The following DCC variants were observed in gnomAD, a reference collection of about 807,000 sequenced individuals.
DCC encodes the protein netrin receptor DCC.
Under a neutral mutation model 172.5 loss-of-function variants are expected in DCC, and 58 were observed. That is an observed-to-expected ratio of 0.34 (90% confidence interval 0.27 to 0.42). DCC has a LOEUF of 0.42. Ranked by LOEUF, DCC falls within the 10% of genes least tolerant of loss-of-function variation. The pLI is 1.00. For synonymous variants in DCC, 709 were observed against 644.5 expected (o/e 1.10, Z -1.52); for missense variants, 1,740 against 1,791.0 (o/e 0.97, Z 0.51).
chr18:52,967,330 G>T (rs1273063398), intron 5 of DCC, among the ~76,000 whole-genome samples: 1 of 152,118 alleles, frequency 6.6e-6, no homozygotes, highest in Non-Finnish European at 1.5e-5. Context: ...AACTGAGTAT[G>T]GTTGGCCTGC....
intron 27 of DCC, 49 bp downstream of exon 27, chr18:53,499,559 C>G: frequency 6.7e-7 from 1 of 1,483,882 alleles, no homozygotes; most frequent in South Asian, 1.1e-5. Context: ...TTATTGGTGC[C>G]TCTATTTAAG....
At chr18:53,102,262 C>G (rs1448007216) in intron 7 of DCC, among the ~76,000 whole-genome samples, 1 of 152,116 alleles carries the variant, frequency 6.6e-6, no homozygotes. Context: ...GACTACTTGC[C>G]TACTTCATTT....
At chr18:53,325,196 C>CAAAAAAA (rs750007696) in intron 14 of DCC, among the ~76,000 whole-genome samples, 4 of 65,094 alleles carry the variant, frequency 6.1e-5, no homozygotes, top group Admixed American at 2.0e-4. Flanking sequence ...GACTCCATCT[C>CAAAAAAA]AAAAAAAAAA....
chr18:52,763,768 G>A (rs1014992051), intron 2 of DCC, among the ~76,000 whole-genome samples: 4 of 152,056 alleles, frequency 2.6e-5, no homozygotes, highest in African/African-American at 9.7e-5. Context: ...TCCTGCTCTG[G>A]AAAACACTTA....
intron 7 of DCC, among the ~76,000 whole-genome samples, chr18:53,148,531 A>C (rs2043949749): frequency 6.6e-6 from 1 of 152,172 alleles, no homozygotes; most frequent in South Asian, 2.1e-4. Flanking sequence ...TAGTTGGGGA[A>C]AGATGCCAGG....
intron 17 of DCC, among the ~76,000 whole-genome samples, chr18:53,393,486 A>G (rs1908707514): frequency 6.6e-6 from 1 of 152,204 alleles, no homozygotes; most frequent in South Asian, 2.1e-4. Flanking sequence ...AATAAAGATA[A>G]CATTATCAGA....
At chr18:52,532,372 T>G (rs1382266452) in intron 1 of DCC, among the ~76,000 whole-genome samples, 2 of 152,168 alleles carry the variant, frequency 1.3e-5, no homozygotes, top group African/African-American at 4.8e-5. Flanking sequence ...GAGATCACAT[T>G]TAAAATTTTA....
At chr18:52,577,786 T>C (rs1295152133) in intron 1 of DCC, among the ~76,000 whole-genome samples, 3 of 152,190 alleles carry the variant, frequency 2.0e-5, no homozygotes, top group South Asian at 2.1e-4. Flanking sequence ...TTGGCAGAGA[T>C]TGCTGTTGTT....
At chr18:53,337,311 C>T (rs977670574) in intron 14 of DCC, among the ~76,000 whole-genome samples, 11 of 152,052 alleles carry the variant, frequency 7.2e-5, no homozygotes, top group Non-Finnish European at 1.2e-4. Context: ...TCTTAGTGTA[C>T]GATTAGGCAG....
chr18:52,467,136 T>C (rs1988809814), intron 1 of DCC, among the ~76,000 whole-genome samples: 1 of 152,068 alleles, frequency 6.6e-6, no homozygotes, highest in African/African-American at 2.4e-5. Flanking sequence ...CATGGTGGTT[T>C]GTGGCACCCA....
chr18:53,381,564 C>T (rs1260390503), intron 15 of DCC, among the ~76,000 whole-genome samples: 18 of 91,680 alleles, frequency 2.0e-4, no homozygotes, highest in East Asian at 7.2e-4. Context: ...CCCCCCACCC[C>T]CCCCCCACCA....
intron 13 of DCC, among the ~76,000 whole-genome samples, chr18:53,309,365 G>A (rs554463084): frequency 4.6e-5 from 7 of 152,076 alleles, no homozygotes; most frequent in Non-Finnish European, 7.4e-5. Flanking sequence ...TAGGACATTA[G>A]AGATAGAGCC....
At chr18:52,630,216 C>A (rs930634757) in intron 1 of DCC, among the ~76,000 whole-genome samples, 7 of 152,068 alleles carry the variant, frequency 4.6e-5, no homozygotes, top group Non-Finnish European at 8.8e-5. Flanking sequence ...ATGTGTCAGT[C>A]GTGATTGAAA....
chr18:52,569,146 G>A lies in DCC; in HGVS notation c.92-182908G>A, dbSNP rs148692089. ...GATGTTTATTGCCAGCTACATAGCC[G>A]TCCAGCACTTTGCCATCAATCTGTA... is the stretch of plus-strand genomic sequence containing the variant. On this transcript the variant is annotated intron_variant, in intron 1 of 28. Coordinates refer to ENST00000442544, the MANE Select transcript of DCC (RefSeq NM_005215.4). 3.5e-4 allele frequency among the ~76,000 whole-genome samples: 53 copies of A among 152,278 alleles called. No homozygotes were observed. The East Asian group carries it at 8.3e-3, about 24-fold the overall frequency.
At chr18:52,536,707 CT>C (rs1364461822) in intron 1 of DCC, among the ~76,000 whole-genome samples, 1 of 152,120 alleles carries the variant, frequency 6.6e-6, no homozygotes, top group Non-Finnish European at 1.5e-5. Context: ...CATCTATCCC[CT>C]AGGACATGTC....
chr18:53,110,099 A>G (rs2043308625), intron 7 of DCC, among the ~76,000 whole-genome samples: 1 of 151,630 alleles, frequency 6.6e-6, no homozygotes, highest in African/African-American at 2.4e-5. Flanking sequence ...AGAATGTCTA[A>G]CTCATACTTA....
At chr18:52,995,719 G>A (rs1196812299) in intron 5 of DCC, among the ~76,000 whole-genome samples, 2 of 151,796 alleles carry the variant, frequency 1.3e-5, no homozygotes, top group African/African-American at 2.4e-5. Flanking sequence ...ATTTACTATC[G>A]TAAATTCCAG....
At chr18:52,659,819 G>T (rs377406767) in intron 1 of DCC, among the ~76,000 whole-genome samples, 28 of 151,966 alleles carry the variant, frequency 1.8e-4, no homozygotes, top group South Asian at 1.3e-3. Flanking sequence ...AACAATGCAC[G>T]TTCATTGCAA....
chr18:52,491,899 CT>C (rs376270314), intron 1 of DCC, among the ~76,000 whole-genome samples: 99 of 151,958 alleles, frequency 6.5e-4, no homozygotes, highest in African/African-American at 2.3e-3. Context: ...TGATTCCTGT[CT>C]GGAGCGCAGA....
Sources: gnomAD v4.1 joint callset for allele counts (sites outside exome capture counted in the v4.1 genomes callset) on GRCh38, gnomAD v4.1.1 for gene constraint, MANE v1.5 for transcripts, NCBI Gene and HGNC (gene_info 2026-07-23, HGNC 2026-07-21) for gene names.